The following FOXP2 variants were observed in gnomAD, a reference collection of about 807,000 sequenced individuals.
The protein encoded by FOXP2 is forkhead box protein P2.
FOXP2 carries 12 observed loss-of-function variants against 115.8 expected under a neutral mutation model. That is an observed-to-expected ratio of 0.10 (90% CI 0.07 to 0.17). The LOEUF (loss-of-function observed/expected upper bound fraction) is 0.17, where lower values mean the gene tolerates loss of function less well. Ranked by LOEUF, FOXP2 falls within the 10% of genes least tolerant of loss-of-function variation. FOXP2 has a pLI of 1.00. For synonymous variants in FOXP2, 328 were observed against 297.7 expected, an observed-to-expected ratio of 1.10 and a Z score of -1.05; for missense variants, 629 against 843.5, an observed-to-expected ratio of 0.75 and a Z score of 3.15.
intron 2 of FOXP2, among the ~76,000 whole-genome samples, chr7:114,502,998 T>C (rs1797636090): frequency 6.6e-6 from 1 of 152,020 alleles, no homozygotes; most frequent in Admixed American, 6.6e-5. Flanking sequence ...GTTACAATTC[T>C]CTCACTGGGA....
chr7:114,547,868 A>T lies in FOXP2; in HGVS notation c.258+13162A>T, dbSNP rs574614339. 2.6e-5 allele frequency among the ~76,000 whole-genome samples: 4 copies of T among 152,320 alleles called. No homozygotes were observed. In the South Asian group the frequency reaches 8.3e-4, roughly 32 times the overall value. The stretch of plus-strand genomic sequence containing the variant: ...ATTGGTATATAATTTTTATGATTTA[A>T]TTATATCTATTGCCTCAGCCACATG... On this transcript the variant is annotated intron_variant, in intron 3 of 16. Transcript: ENST00000350908.
chr7:114,521,479 A>G (rs2129269522), intron 2 of FOXP2, among the ~76,000 whole-genome samples: 1 of 139,378 alleles, frequency 7.2e-6, no homozygotes, highest in Admixed American at 8.1e-5. Flanking sequence ...GTTACAGTGG[A>G]CTCTGAGTCT....
intron 1 of FOXP2, among the ~76,000 whole-genome samples, chr7:114,206,498 A>G (rs1794205360): frequency 6.6e-6 from 1 of 151,970 alleles, no homozygotes; most frequent in African/African-American, 2.4e-5. Context: ...TATTATTTAG[A>G]TCAAATCCCC....
At chr7:114,403,918 A>G (rs1201481551) in intron 2 of FOXP2, among the ~76,000 whole-genome samples, 1 of 152,158 alleles carries the variant, frequency 6.6e-6, no homozygotes, top group African/African-American at 2.4e-5. Flanking sequence ...CTTACTTGCC[A>G]GTATAGTTTA....
intron 2 of FOXP2, among the ~76,000 whole-genome samples, chr7:114,355,761 G>C (rs1486320745): frequency 6.6e-6 from 1 of 152,104 alleles, no homozygotes; most frequent in African/African-American, 2.4e-5. Context: ...GTTGATGAAT[G>C]GGGGTGACTG....
At chr7:114,618,388 A>C (rs2129321810) in intron 3 of FOXP2, among the ~76,000 whole-genome samples, 1 of 152,358 alleles carries the variant, frequency 6.6e-6, no homozygotes, top group South Asian at 2.1e-4. Context: ...ATGGAGACTA[A>C]GACACAAAGA....
At chr7:114,206,039 A>G (rs1204782433) in intron 1 of FOXP2, among the ~76,000 whole-genome samples, 1 of 152,208 alleles carries the variant, frequency 6.6e-6, no homozygotes, top group Non-Finnish European at 1.5e-5. Flanking sequence ...AGAATAGATT[A>G]GAACCTAAAG....
chr7:114,525,901 C>A (rs1352772195), intron 2 of FOXP2, among the ~76,000 whole-genome samples: 1 of 151,942 alleles, frequency 6.6e-6, no homozygotes, highest in Non-Finnish European at 1.5e-5. Flanking sequence ...CACTTGAGGT[C>A]AGGAGTTTCA....
intron 2 of FOXP2, among the ~76,000 whole-genome samples, chr7:114,296,666 T>C (rs143605718): frequency 0.013 from 2,041 of 152,266 alleles, 37 homozygotes; most frequent in African/African-American, 0.038. Context: ...TAACATATAT[T>C]GACACATATG....
chr7:114,389,953 G>A (rs1211832403), intron 2 of FOXP2, among the ~76,000 whole-genome samples: 1 of 150,360 alleles, frequency 6.7e-6, no homozygotes, highest in Non-Finnish European at 1.5e-5. Context: ...GAACCTGGGA[G>A]GCGGAGGTTG....
chr7:114,389,746 G>C (rs530008021), intron 2 of FOXP2, among the ~76,000 whole-genome samples: 1 of 152,076 alleles, frequency 6.6e-6, no homozygotes, highest in African/African-American at 2.4e-5. Flanking sequence ...AAGTTTGGCC[G>C]GGCGCAGTGG....
chr7:114,309,712 C>A (rs1797098481), intron 2 of FOXP2, among the ~76,000 whole-genome samples: 1 of 152,030 alleles, frequency 6.6e-6, no homozygotes, highest in Admixed American at 6.6e-5. Flanking sequence ...GTTGCCCAGG[C>A]TAGAGTGCAG....
At chr7:114,388,904 G>T (rs2129193734) in intron 2 of FOXP2, among the ~76,000 whole-genome samples, 1 of 152,294 alleles carries the variant, frequency 6.6e-6, no homozygotes, top group Admixed American at 6.5e-5. Flanking sequence ...GGCCACTATA[G>T]AACTTTTTAG....
At chr7:114,666,607 A>G (rs1807173838) in intron 16 of FOXP2, 1 of 152,182 alleles carries the variant, frequency 6.6e-6, no homozygotes, top group Non-Finnish European at 1.5e-5. Context: ...AGACATTTAC[A>G]CAGCATACTT....
intron 3 of FOXP2, among the ~76,000 whole-genome samples, chr7:114,552,939 A>T (rs2129287960): frequency 6.6e-6 from 1 of 152,270 alleles, no homozygotes; most frequent in East Asian, 1.9e-4. Context: ...TAGAGTAACC[A>T]GTCTGTTCTT....
intron 3 of FOXP2, among the ~76,000 whole-genome samples, chr7:114,559,868 G>A (rs1473109983): frequency 1.4e-5 from 2 of 141,324 alleles, no homozygotes; most frequent in Non-Finnish European, 3.0e-5. Context: ...CAGCCTGGGC[G>A]ACAGAGCAAG....
At chr7:114,623,942 T>G (rs1269821396) in intron 3 of FOXP2, among the ~76,000 whole-genome samples, 1 of 151,898 alleles carries the variant, frequency 6.6e-6, no homozygotes, top group Non-Finnish European at 1.5e-5. Context: ...TAAATACTCC[T>G]GTTCAGTACT....
intron 1 of FOXP2, among the ~76,000 whole-genome samples, chr7:114,247,737 A>G (rs903223263): frequency 6.6e-6 from 1 of 152,200 alleles, no homozygotes; most frequent in African/African-American, 2.4e-5. Context: ...AGGATATATT[A>G]GCTTTGCCAA....
intron 2 of FOXP2, among the ~76,000 whole-genome samples, chr7:114,513,144 A>T (rs776259307): frequency 2.0e-5 from 3 of 152,144 alleles, no homozygotes; most frequent in Non-Finnish European, 2.9e-5. Flanking sequence ...CAACCTCTCT[A>T]GGACTACTTT....
Sources: gnomAD v4.1 joint callset for allele counts (sites outside exome capture counted in the v4.1 genomes callset) on GRCh38, gnomAD v4.1.1 for gene constraint, MANE v1.5 for transcripts, NCBI Gene and HGNC (gene_info 2026-07-23, HGNC 2026-07-21) for gene names.